The following C8orf34 variants were observed in gnomAD, a reference collection of about 807,000 sequenced individuals.
The protein encoded by C8orf34 is chromosome 8 open reading frame 34.
C8orf34 carries 65 observed loss-of-function variants against 68.3 expected under a neutral mutation model. The observed-to-expected ratio is 0.95, with a 90% CI of 0.78 to 1.17. The LOEUF is 1.17. Ranked by LOEUF, C8orf34 falls within the 50% of genes most tolerant of loss-of-function variation. The probability of loss-of-function intolerance (pLI) is 0.00; values close to 1 mark genes in which losing one functional copy is unlikely to be tolerated. For synonymous variants in C8orf34, 244 were observed against 241.2 expected, an observed-to-expected ratio of 1.01 and a Z score of -0.11; for missense variants, 664 against 655.4, an observed-to-expected ratio of 1.01 and a Z score of -0.14.
intron 10 of C8orf34, among the ~76,000 whole-genome samples, chr8:68,756,637 T>TTTTAATTTCCAATTTA (rs1373769547): frequency 6.6e-5 from 10 of 152,198 alleles, no homozygotes; most frequent in Non-Finnish European, 1.0e-4. Flanking sequence ...TAGTTTTGCT[T>TTTTAATTTCCAATTTA]TTTAATTTCC....
intron 8 of C8orf34, among the ~76,000 whole-genome samples, chr8:68,654,942 G>A (rs912166885): frequency 5.3e-5 from 8 of 152,026 alleles, no homozygotes; most frequent in African/African-American, 1.7e-4. Flanking sequence ...AAGATAATGG[G>A]GAAATGCGTC....
chr8:68,776,343 A>C (rs1401917230), intron 10 of C8orf34, 56 bp from the exon 11 acceptor site: 1 of 1,359,048 alleles, frequency 7.4e-7, no homozygotes, highest in African/African-American at 1.4e-5. Context: ...CGATTCTTTC[A>C]TTCTTTTTCT....
chr8:68,463,180 A>G (rs1395390656), intron 3 of C8orf34, among the ~76,000 whole-genome samples: 2 of 150,998 alleles, frequency 1.3e-5, no homozygotes, highest in East Asian at 3.9e-4. Context: ...CAAATAAACT[A>G]GAAAATCTAG....
chr8:68,692,087 C>T (rs923659882), intron 8 of C8orf34, among the ~76,000 whole-genome samples: 6 of 151,762 alleles, frequency 4.0e-5, no homozygotes, highest in African/African-American at 9.7e-5. Flanking sequence ...TGAGAAAGCC[C>T]GGGGATGATC....
Position 68,439,482 on chromosome 8 carries a change from C to T in C8orf34, c.328-17C>T. ...TGTTATTATTAATTATAATTGTGTGCTCTATTCTGCCTTCAGGAATTAATG... is the reference window on the plus strand; with the variant it reads ...TGTTATTATTAATTATAATTGTGTGTTCTATTCTGCCTTCAGGAATTAATG... On this transcript the variant is annotated splice_polypyrimidine_tract_variant and intron_variant, in intron 1 of 13. Coordinates refer to ENST00000518698, the MANE Select transcript of C8orf34 (RefSeq NM_052958.4). The T allele has an allele frequency of 6.2e-7, 1 of 1,608,520 alleles. No homozygotes were observed. The highest frequency in any genetic ancestry group is 8.5e-7 in the Non-Finnish European group (1 of 1,177,830).
chr8:68,792,878 AGT>A (rs1374210031), intron 12 of C8orf34, among the ~76,000 whole-genome samples: 2 of 151,346 alleles, frequency 1.3e-5, no homozygotes, highest in African/African-American at 2.4e-5. Context: ...TGTGTGTATG[AGT>A]GTGTGTGTGT....
intron 1 of C8orf34, among the ~76,000 whole-genome samples, chr8:68,398,162 C>G (rs1473795819): frequency 6.6e-6 from 1 of 152,022 alleles, no homozygotes; most frequent in Non-Finnish European, 1.5e-5. Flanking sequence ...ATACATAACA[C>G]AAGTAAAGCA....
At chr8:68,344,511 C>G (rs560650789) in intron 1 of C8orf34, among the ~76,000 whole-genome samples, 1 of 152,154 alleles carries the variant, frequency 6.6e-6, no homozygotes, top group South Asian at 2.1e-4. Context: ...TTATGATATT[C>G]TTCTATAGTT....
chr8:68,392,197 G>A (rs950123884), intron 1 of C8orf34, among the ~76,000 whole-genome samples: 7 of 150,684 alleles, frequency 4.6e-5, no homozygotes, highest in Non-Finnish European at 7.4e-5. Flanking sequence ...TTTCATTTAG[G>A]CCTTTAATAA....
At chr8:68,691,181 G>C (rs765308412) in intron 8 of C8orf34, among the ~76,000 whole-genome samples, 6 of 152,042 alleles carry the variant, frequency 3.9e-5, no homozygotes, top group Non-Finnish European at 7.4e-5. Context: ...TTATTGAGCT[G>C]TGAAGATACT....
chr8:68,569,637 G>A (rs1816704076), intron 7 of C8orf34, among the ~76,000 whole-genome samples: 1 of 152,166 alleles, frequency 6.6e-6, no homozygotes, highest in Non-Finnish European at 1.5e-5. Context: ...AAATTCCCTT[G>A]TCATCCTTAA....
intron 1 of C8orf34, 129 bp from the exon 2 acceptor site, chr8:68,439,370 A>G: frequency 2.8e-6 from 2 of 712,786 alleles, no homozygotes; most frequent in Non-Finnish European, 4.4e-6. Context: ...GATTGTTATA[A>G]GCATGGAGTT....
chr8:68,646,955 G>GT (rs1315848011), intron 8 of C8orf34, among the ~76,000 whole-genome samples: 1 of 152,134 alleles, frequency 6.6e-6, no homozygotes, highest in Non-Finnish European at 1.5e-5. Flanking sequence ...GTGACATGCT[G>GT]TTTTTAATTC....
At chr8:68,357,146 G>A (rs814440) in intron 1 of C8orf34, among the ~76,000 whole-genome samples, 33,052 of 151,534 alleles carry the variant, frequency 0.22, 5,221 homozygotes, top group African/African-American at 0.45. Flanking sequence ...AAATATAATC[G>A]TCTTAGTATT....
intron 8 of C8orf34, among the ~76,000 whole-genome samples, chr8:68,677,404 G>C (rs7464474): frequency 0.2 from 30,500 of 151,776 alleles, 3,511 homozygotes; most frequent in East Asian, 0.56. Flanking sequence ...TGTCACTCAG[G>C]GTGGAGTGCA....
intron 7 of C8orf34, among the ~76,000 whole-genome samples, chr8:68,561,350 T>G (rs973869636): frequency 5.5e-5 from 8 of 145,314 alleles, no homozygotes; most frequent in African/African-American, 2.2e-4. Flanking sequence ...GCAAACACAT[T>G]ATACAGCTAT....
At chr8:68,585,226 C>T (rs972424162) in intron 7 of C8orf34, among the ~76,000 whole-genome samples, 4 of 151,882 alleles carry the variant, frequency 2.6e-5, no homozygotes, top group Non-Finnish European at 5.9e-5. Context: ...ATCTGTAGAA[C>T]AGAGAGAAAG....
chr8:68,487,495 A>AT (rs1813128209), intron 4 of C8orf34, among the ~76,000 whole-genome samples: 1 of 152,132 alleles, frequency 6.6e-6, no homozygotes, highest in Non-Finnish European at 1.5e-5. Flanking sequence ...ATGAAGAATC[A>AT]TTTACGCATT....
chr8:68,625,408 A>T, intron 7 of C8orf34: 1 of 500,072 alleles, frequency 2.0e-6, no homozygotes, highest in Non-Finnish European at 3.6e-6. Flanking sequence ...GTGAGGTGAC[A>T]GAATGCTGCA....
Sources: gnomAD v4.1 joint callset for allele counts (sites outside exome capture counted in the v4.1 genomes callset) on GRCh38, gnomAD v4.1.1 for gene constraint, MANE v1.5 for transcripts, NCBI Gene and HGNC (gene_info 2026-07-23, HGNC 2026-07-21) for gene names.